The following FHIT variants were observed in gnomAD, a reference collection of about 807,000 sequenced individuals.
The protein encoded by FHIT is fragile histidine triad diadenosine triphosphatase, also known as bis(5'-adenosyl)-triphosphatase.
In FHIT, 19 loss-of-function variants were observed where a neutral mutation model predicts 17.9. The observed-to-expected ratio is 1.06, with a 90% CI of 0.74 to 1.56. The LOEUF is 1.56. Among genes scored for constraint, FHIT ranks in the 40% most tolerant of loss-of-function variants. FHIT has a pLI of 0.00. For synonymous variants in FHIT, 81 were observed against 69.7 expected (o/e 1.16, Z -0.81); for missense variants, 248 against 189.2 (o/e 1.31, Z -1.82).
At chr3:60,442,265 C>G (rs144239138) in intron 5 of FHIT, among the ~76,000 whole-genome samples, 3,057 of 152,132 alleles carry the variant, frequency 0.02, 41 homozygotes, top group Middle Eastern at 0.037. Context: ...ATTCATCCTC[C>G]TAAGTGACAA....
chr3:60,639,433 T>C (rs1250200077), intron 4 of FHIT, among the ~76,000 whole-genome samples: 1 of 152,188 alleles, frequency 6.6e-6, no homozygotes, highest in African/African-American at 2.4e-5. Flanking sequence ...AGGAGCCATT[T>C]TGTCAGTCTA....
intron 2 of FHIT, among the ~76,000 whole-genome samples, chr3:61,146,976 C>T (rs2037243549): frequency 1.3e-5 from 2 of 151,968 alleles, no homozygotes; most frequent in South Asian, 4.1e-4. Flanking sequence ...ATGTACATTC[C>T]TCTGTAGCAC....
rs557153582 is a variant in FHIT at position 60,551,843 on chromosome 3, C to A, written c.-17-14864G>T. On this transcript the variant is annotated intron_variant, in intron 4 of 9. Transcript: ENST00000492590. The stretch of plus-strand genomic sequence containing the variant: ...GTTAAGACTTTTGAAAAGTGACATA[C>A]AATTCATATACCATAAAATTCACCC... Among the ~76,000 whole-genome samples the A allele has an allele frequency of 3.3e-5, 5 of 151,658 alleles. No individual in the cohort carries two copies. The South Asian group carries it at 1.0e-3, about 32-fold the overall frequency.
chr3:60,315,868 T>C (rs1202011119), intron 5 of FHIT, among the ~76,000 whole-genome samples: 1 of 152,210 alleles, frequency 6.6e-6, no homozygotes, highest in Non-Finnish European at 1.5e-5. Flanking sequence ...TATTAGTTCA[T>C]ATTCCAACTA....
intron 5 of FHIT, among the ~76,000 whole-genome samples, chr3:60,031,227 A>G (rs1330550973): frequency 1.3e-5 from 2 of 152,222 alleles, no homozygotes; most frequent in African/African-American, 4.8e-5. Flanking sequence ...TCTCACTCTG[A>G]TCTTATTGAC....
intron 7 of FHIT, among the ~76,000 whole-genome samples, chr3:59,997,486 C>T (rs1312685782): frequency 6.6e-6 from 1 of 152,100 alleles, no homozygotes; most frequent in Non-Finnish European, 1.5e-5. Flanking sequence ...AAATGTTAGT[C>T]GTTGCTGGAG....
intron 4 of FHIT, among the ~76,000 whole-genome samples, chr3:60,728,280 C>A (rs1553710136): frequency 6.6e-6 from 1 of 152,120 alleles, no homozygotes; most frequent in Non-Finnish European, 1.5e-5. Context: ...CTCCAATAAC[C>A]CTGTCAAAAG....
chr3:60,433,621 G>A (rs1466901197), intron 5 of FHIT, among the ~76,000 whole-genome samples: 1 of 152,100 alleles, frequency 6.6e-6, no homozygotes, highest in African/African-American at 2.4e-5. Flanking sequence ...CCTAACAGGT[G>A]TGAGGTGTCC....
At chr3:60,044,250 T>G (rs925078367) in intron 5 of FHIT, among the ~76,000 whole-genome samples, 4 of 152,216 alleles carry the variant, frequency 2.6e-5, no homozygotes, top group Admixed American at 2.6e-4. Context: ...AAATATATCT[T>G]GATAGATGAA....
intron 3 of FHIT, among the ~76,000 whole-genome samples, chr3:60,891,795 T>C (rs782765980): frequency 4.6e-5 from 7 of 152,146 alleles, no homozygotes; most frequent in South Asian, 2.1e-4. Context: ...TTCTGAGCCA[T>C]AGATCAGAAA....
chr3:61,009,538 CTA>C (rs908027711), intron 3 of FHIT, among the ~76,000 whole-genome samples: 2 of 152,058 alleles, frequency 1.3e-5, no homozygotes, highest in Admixed American at 1.3e-4. Context: ...AATTCATATA[CTA>C]GAGTTATTAT....
intron 3 of FHIT, among the ~76,000 whole-genome samples, chr3:60,975,785 T>C (rs1288055573): frequency 6.6e-6 from 1 of 152,212 alleles, no homozygotes; most frequent in Non-Finnish European, 1.5e-5. Flanking sequence ...TTCTATTCTA[T>C]ATAATTTCAC....
intron 5 of FHIT, among the ~76,000 whole-genome samples, chr3:60,365,804 A>C (rs746616658): frequency 5.3e-5 from 8 of 152,168 alleles, no homozygotes; most frequent in Non-Finnish European, 1.0e-4. Flanking sequence ...ATGTTCAGTA[A>C]CTTTAGTTAG....
chr3:60,339,486 C>T (rs963241944), intron 5 of FHIT, among the ~76,000 whole-genome samples: 2 of 152,206 alleles, frequency 1.3e-5, no homozygotes, highest in East Asian at 1.9e-4. Flanking sequence ...GCTCAGCACA[C>T]ATAGGCGTTC....
At chr3:60,466,155 A>C (rs1225325858) in intron 5 of FHIT, among the ~76,000 whole-genome samples, 3 of 151,938 alleles carry the variant, frequency 2.0e-5, no homozygotes, top group Non-Finnish European at 4.4e-5. Flanking sequence ...TTGTAAATGG[A>C]ATTACTTTCT....
In FHIT at chr3:60,758,769, CA is replaced by C. The variant is rs569718984; in HGVS notation, c.-18+63149del. On this transcript the variant is annotated intron_variant, in intron 4 of 9. Coordinates refer to ENST00000492590, the MANE Select transcript of FHIT (RefSeq NM_002012.4). ...ACTAGACATAGAGCAGAGACCAAAA[CA>C]AAATGCCTACTCTCTTGGAGCTTAC... Among the ~76,000 whole-genome samples the C allele has an allele frequency of 6.6e-4, 100 of 152,226 alleles. 1 individual carries two copies. The highest frequency in any genetic ancestry group is 2.2e-3 in the African/African-American group (93 of 41,538).
chr3:61,205,627 G>GAAGT (rs1475987352), intron 1 of FHIT, among the ~76,000 whole-genome samples: 3 of 152,190 alleles, frequency 2.0e-5, no homozygotes, highest in Non-Finnish European at 4.4e-5. Context: ...CTTCTTTTGA[G>GAAGT]AAGTGTCTGT....
At chr3:61,108,575 C>T (rs762745432) in intron 2 of FHIT, among the ~76,000 whole-genome samples, 4 of 152,184 alleles carry the variant, frequency 2.6e-5, no homozygotes, top group Non-Finnish European at 5.9e-5. Context: ...AGGTAAAGGA[C>T]CTATCTCCTA....
intron 4 of FHIT, among the ~76,000 whole-genome samples, chr3:60,780,868 C>T (rs1700362597): frequency 6.6e-6 from 1 of 152,154 alleles, no homozygotes. Flanking sequence ...CCCTCCTTTT[C>T]CTGTGTGGAA....
Sources: gnomAD v4.1 joint callset for allele counts (sites outside exome capture counted in the v4.1 genomes callset) on GRCh38, gnomAD v4.1.1 for gene constraint, MANE v1.5 for transcripts, NCBI Gene and HGNC (gene_info 2026-07-23, HGNC 2026-07-21) for gene names.